Variants in HS6ST2 observed in about 807,000 individuals in gnomAD.
HS6ST2 encodes the protein heparan sulfate 6-O-sulfotransferase 2.
Under a neutral mutation model 33.0 loss-of-function variants are expected in HS6ST2, and 17 were observed. The observed-to-expected ratio is 0.52, with a 90% CI of 0.35 to 0.77. The LOEUF is 0.77. Ranked by LOEUF, HS6ST2 falls within the 30% of genes least tolerant of loss-of-function variation. The pLI, the probability that HS6ST2 is intolerant of heterozygous loss-of-function variation, is 0.01. For missense variants in HS6ST2, 519 were observed against 551.7 expected (o/e 0.94, Z 0.59); for synonymous variants, 248 against 237.1 (o/e 1.05, Z -0.42).
At chrX:132,785,068 A>G (rs1021599589) in intron 2 of HS6ST2, among the ~76,000 whole-genome samples, 1 of 112,192 alleles carries the variant, frequency 8.9e-6, no homozygotes, top group African/African-American at 3.2e-5. Context: ...GACTGAAACA[A>G]TTTGTTGAAA....
At chrX:132,853,219 T>C (rs773317256) in intron 2 of HS6ST2, among the ~76,000 whole-genome samples, 207 of 111,833 alleles carry the variant, frequency 1.9e-3, no homozygotes, top group Middle Eastern at 4.7e-3. Flanking sequence ...AGTGATGCAA[T>C]CATAGCTCAC....
At chrX:132,694,292 G>A (rs1320852601) in intron 3 of HS6ST2, among the ~76,000 whole-genome samples, 1 of 111,804 alleles carries the variant, frequency 8.9e-6, no homozygotes, top group Non-Finnish European at 1.9e-5. Context: ...TTAAGAATTG[G>A]ACTCCTTGGC....
intron 4 of HS6ST2, among the ~76,000 whole-genome samples, chrX:132,668,710 C>G (rs867206322): frequency 4.5e-4 from 50 of 111,792 alleles, no homozygotes; most frequent in African/African-American, 1.6e-3. Flanking sequence ...CTAACTCAAG[C>G]CTAAACTCAG....
intron 2 of HS6ST2, among the ~76,000 whole-genome samples, chrX:132,944,589 C>A (rs1466929368): frequency 4.5e-5 from 5 of 111,663 alleles, no homozygotes; most frequent in Non-Finnish European, 9.4e-5. Context: ...CATCACGCTA[C>A]CTGACTTCAA....
At chrX:132,931,633 C>G (rs966256071) in intron 2 of HS6ST2, among the ~76,000 whole-genome samples, 2 of 111,789 alleles carry the variant, frequency 1.8e-5, no homozygotes, top group African/African-American at 6.5e-5. Flanking sequence ...ACACTGTACA[C>G]CAACAGAAAG....
In HS6ST2 at chrX:132,709,428, G is replaced by A. The variant is rs893608473; in HGVS notation, c.948-934C>T. Among the ~76,000 whole-genome samples, 6 of 111,651 alleles carry A rather than the reference G, an allele frequency of 5.4e-5. No homozygotes were observed. The Middle Eastern group carries it at 0.018, about 341-fold the overall frequency. On this transcript the variant is annotated intron_variant, in intron 2 of 4. Transcript: ENST00000370833. ...TGAGTTAAGAGAGCCTTTTTTAATA[G>A]CATGGCTAGCAGCAGAGCCTTTGAA...
intron 2 of HS6ST2, among the ~76,000 whole-genome samples, chrX:132,869,375 C>T (rs1401996310): frequency 8.9e-6 from 1 of 111,833 alleles, no homozygotes; most frequent in South Asian, 3.7e-4. Flanking sequence ...GAAACTATTC[C>T]AATCAATAGA....
At chrX:132,928,118 A>AGTT (rs1266571810) in intron 2 of HS6ST2, among the ~76,000 whole-genome samples, 3 of 101,208 alleles carry the variant, frequency 3.0e-5, no homozygotes, top group African/African-American at 1.1e-4. Flanking sequence ...GTTGCCACAC[A>AGTT]CTTTTTTTTT....
At chrX:132,777,172 T>TATCTA (rs2064968670) in intron 2 of HS6ST2, among the ~76,000 whole-genome samples, 1 of 105,339 alleles carries the variant, frequency 9.5e-6, no homozygotes, top group Non-Finnish European at 1.9e-5. Flanking sequence ...AACAAAGAAT[T>TATCTA]ATCTAGCTCA....
intron 2 of HS6ST2, among the ~76,000 whole-genome samples, chrX:132,864,996 C>A (rs1355296761): frequency 1.8e-5 from 2 of 110,398 alleles, no homozygotes; most frequent in Non-Finnish European, 3.8e-5. Context: ...TATTATTATA[C>A]TTTAAATTTT....
At chrX:132,735,458 C>T (rs2064499139) in intron 2 of HS6ST2, 1 of 111,937 alleles carries the variant, frequency 8.9e-6, no homozygotes. Flanking sequence ...GAAAAAAGCA[C>T]GCAAGACACC....
intron 2 of HS6ST2, among the ~76,000 whole-genome samples, chrX:132,858,476 T>A (rs1471340435): frequency 8.9e-6 from 1 of 111,939 alleles, no homozygotes; most frequent in Non-Finnish European, 1.9e-5. Flanking sequence ...AAGTACTAGG[T>A]GGTGGGCAAG....
At chrX:132,723,525 A>T (rs867377822) in intron 2 of HS6ST2, among the ~76,000 whole-genome samples, 2 of 112,318 alleles carry the variant, frequency 1.8e-5, no homozygotes, top group African/African-American at 6.5e-5. Flanking sequence ...AACATACACA[A>T]ATCAACCAAT....
chrX:132,708,568 CATTGTGCTTTAAGAGCAT>C, intron 2 of HS6ST2, 74 bp from the exon 3 acceptor site: 1 of 937,004 alleles, frequency 1.1e-6, no homozygotes, highest in South Asian at 2.1e-5. Context: ...AAAAGTTTTC[CATTGTGCTTTAAGAGCAT>C]ATTTCTCCAG....
At chrX:132,667,546 A>G (rs768447133) in intron 4 of HS6ST2, 43 of 112,303 alleles carry the variant, frequency 3.8e-4, no homozygotes, top group African/African-American at 1.3e-3. Context: ...GATTCTACCA[A>G]TTGCTCCTTT....
chrX:132,805,756 G>A (rs888380151), intron 2 of HS6ST2, among the ~76,000 whole-genome samples: 1 of 110,148 alleles, frequency 9.1e-6, no homozygotes, highest in African/African-American at 3.3e-5. Flanking sequence ...TTGTTTGTGT[G>A]CCCGGATGGC....
chrX:132,884,625 G>A (rs2066227343), intron 2 of HS6ST2, among the ~76,000 whole-genome samples: 1 of 112,163 alleles, frequency 8.9e-6, no homozygotes, highest in Non-Finnish European at 1.9e-5. Flanking sequence ...GAATGTGGAA[G>A]AGGAGTACAA....
At chrX:132,898,179 C>G (rs1370369638) in intron 2 of HS6ST2, among the ~76,000 whole-genome samples, 1 of 109,665 alleles carries the variant, frequency 9.1e-6, no homozygotes, top group Admixed American at 9.9e-5. Context: ...AACCATCCCC[C>G]ACCTCCCCCT....
intron 2 of HS6ST2, among the ~76,000 whole-genome samples, chrX:132,865,706 A>C (rs766444961): frequency 6.2e-5 from 7 of 112,162 alleles, no homozygotes; most frequent in Admixed American, 4.7e-4. Context: ...TGTGGTTTTG[A>C]TTGGCATTTC....
Sources: gnomAD v4.1 joint callset for allele counts (sites outside exome capture counted in the v4.1 genomes callset) on GRCh38, gnomAD v4.1.1 for gene constraint, MANE v1.5 for transcripts, NCBI Gene and HGNC (gene_info 2026-07-23, HGNC 2026-07-21) for gene names.